The following KCNH1 variants were observed in gnomAD, a reference collection of about 807,000 sequenced individuals.
KCNH1 encodes the protein voltage-gated delayed rectifier potassium channel KCNH1.
Under a neutral mutation model 69.2 loss-of-function variants are expected in KCNH1, and 27 were observed. The ratio of observed to expected loss-of-function variants is 0.39; its 90% CI spans 0.29 to 0.54. The LOEUF is 0.54. Among genes scored for constraint, KCNH1 ranks in the 20% least tolerant of loss-of-function variants. The pLI, the probability that KCNH1 is intolerant of heterozygous loss-of-function variation, is 0.68. For missense variants in KCNH1, 798 were observed against 1,261.6 expected (o/e 0.63, Z 5.57); for synonymous variants, 456 against 487.7 (o/e 0.93, Z 0.86).
chr1:211,013,345 C>A (rs1171848534), intron 6 of KCNH1, among the ~76,000 whole-genome samples: 2 of 152,132 alleles, frequency 1.3e-5, no homozygotes, highest in African/African-American at 2.4e-5. Context: ...TCAGTGCTGA[C>A]CTCCACCCTC....
chr1:210,888,114 A>G (rs1350635432), intron 7 of KCNH1, among the ~76,000 whole-genome samples: 2 of 152,214 alleles, frequency 1.3e-5, no homozygotes, highest in Non-Finnish European at 2.9e-5. Context: ...CATTCTTCTC[A>G]GCACCACATC....
At chr1:210,942,481 A>T (rs1687892755) in intron 6 of KCNH1, among the ~76,000 whole-genome samples, 1 of 152,232 alleles carries the variant, frequency 6.6e-6, no homozygotes. Flanking sequence ...GCTGTCTTCC[A>T]GCTGTAAAAA....
Position 211,027,588 on chromosome 1 carries a change from C to A in KCNH1, c.559-8332G>T, listed in dbSNP as rs528354614. On this transcript the variant is annotated intron_variant, in intron 5 of 10. Coordinates refer to ENST00000271751, the MANE Select transcript of KCNH1 (RefSeq NM_172362.3). ...TAGTGTAGGCAACAAAGTGGGCAACCCTGTCTCAGGGAAAGAAAAAAAAAA... is the reference window on the plus strand; with the variant it reads ...TAGTGTAGGCAACAAAGTGGGCAACACTGTCTCAGGGAAAGAAAAAAAAAA... Among the ~76,000 whole-genome samples the A allele has an allele frequency of 4.0e-5, 6 of 150,818 alleles. No homozygotes were observed. The South Asian group carries it at 1.1e-3, about 27-fold the overall frequency.
chr1:211,108,175 A>T (rs1268549584), intron 1 of KCNH1, among the ~76,000 whole-genome samples: 1 of 152,232 alleles, frequency 6.6e-6, no homozygotes, highest in African/African-American at 2.4e-5. Context: ...TTTGAAAATC[A>T]GTCGTCAATA....
chr1:211,068,758 A>G (rs1323569073), intron 5 of KCNH1, among the ~76,000 whole-genome samples: 1 of 152,186 alleles, frequency 6.6e-6, no homozygotes, highest in African/African-American at 2.4e-5. Context: ...CCAAAGCTAG[A>G]AAGACAGACT....
intron 5 of KCNH1, among the ~76,000 whole-genome samples, chr1:211,036,473 C>T (rs1436019867): frequency 6.6e-6 from 1 of 152,086 alleles, no homozygotes; most frequent in Non-Finnish European, 1.5e-5. Flanking sequence ...TCACCATGAG[C>T]CTGTGATCTC....
intron 4 of KCNH1, among the ~76,000 whole-genome samples, chr1:211,083,760 T>C (rs1030085046): frequency 1.3e-5 from 2 of 152,202 alleles, no homozygotes; most frequent in Non-Finnish European, 2.9e-5. Flanking sequence ...AAAGCAGGAC[T>C]AGATGATTTT....
intron 6 of KCNH1, among the ~76,000 whole-genome samples, chr1:210,992,274 T>C (rs906590503): frequency 2.6e-5 from 4 of 152,238 alleles, no homozygotes; most frequent in Non-Finnish European, 4.4e-5. Context: ...AACAGGCGAT[T>C]GTTATTTTGT....
intron 7 of KCNH1, among the ~76,000 whole-genome samples, chr1:210,833,130 T>C (rs1685200472): frequency 6.6e-6 from 1 of 152,040 alleles, no homozygotes; most frequent in South Asian, 2.1e-4. Flanking sequence ...CACTTACCTG[T>C]AAAGAGTTTT....
At chr1:210,973,310 A>T (rs2102369155) in intron 6 of KCNH1, among the ~76,000 whole-genome samples, 1 of 152,196 alleles carries the variant, frequency 6.6e-6, no homozygotes, top group African/African-American at 2.4e-5. Context: ...CAGCCCCTAG[A>T]CCCATTCTCT....
intron 8 of KCNH1, among the ~76,000 whole-genome samples, chr1:210,803,536 C>CA (rs542037899): frequency 3.6e-4 from 55 of 152,104 alleles, no homozygotes; most frequent in Admixed American, 1.2e-3. Context: ...AAGGTTAATG[C>CA]AAAAAAATCC....
chr1:211,023,115 A>AAAATAAATAAATAAATAAAT (rs562804540), intron 5 of KCNH1, among the ~76,000 whole-genome samples: 1 of 98,478 alleles, frequency 1.0e-5, no homozygotes, highest in Non-Finnish European at 2.3e-5. Flanking sequence ...TGTCTCAGAA[A>AAAATAAATAAATAAATAAAT]AAATAAATAA....
chr1:211,126,687 CAAAAAAAAAA>C (rs71571980), intron 1 of KCNH1, among the ~76,000 whole-genome samples: 1 of 64,938 alleles, frequency 1.5e-5, no homozygotes, highest in South Asian at 5.2e-4. Context: ...TATAATATCT[CAAAAAAAAAA>C]AAAAAAAAAG....
At chr1:210,869,173 T>C (rs1686181089) in intron 7 of KCNH1, among the ~76,000 whole-genome samples, 1 of 152,128 alleles carries the variant, frequency 6.6e-6, no homozygotes, top group Non-Finnish European at 1.5e-5. Context: ...AATTTTTTTG[T>C]CAGCTCTTAA....
At position 210,863,645 on chromosome 1, in the gene KCNH1, A is replaced by G. The variant is rs141001104; in HGVS notation, c.1462+55995T>C. 9.9e-3 allele frequency among the ~76,000 whole-genome samples: 1,503 copies of G among 152,302 alleles called. 10 individuals carry two copies. Among genetic ancestry groups the G allele is most frequent in the Non-Finnish European group, 0.013 (885 of 68,032 alleles). On this transcript the variant is annotated intron_variant, in intron 7 of 10. Transcript: ENST00000271751. ...TCTGAATGGTACCTCCATCACTGAC[A>G]TTACATTTTGTTTCTCAACCCTCCT...
chr1:211,059,471 G>A (rs148924178), intron 5 of KCNH1, among the ~76,000 whole-genome samples: 2,072 of 151,996 alleles, frequency 0.014, 27 homozygotes, highest in South Asian at 0.026. Flanking sequence ...GGCTGGGCAC[G>A]GTGGCTTATG....
chr1:210,700,819 C>T (rs1450285260), intron 10 of KCNH1, among the ~76,000 whole-genome samples: 1 of 152,130 alleles, frequency 6.6e-6, no homozygotes, highest in Non-Finnish European at 1.5e-5. Flanking sequence ...CTTTCTTGGT[C>T]CGTGGCTTGT....
Position 211,000,115 on chromosome 1 carries a change from T to C in KCNH1, c.1032+18668A>G, listed in dbSNP as rs11577052. ...TGAAAACTGGCACAAGACAGGGATG[T>C]CCTCTCTCACCACTCCTATTCAACA... On this transcript the variant is annotated intron_variant, in intron 6 of 10. Coordinates refer to ENST00000271751, the MANE Select transcript of KCNH1 (RefSeq NM_172362.3). Among the ~76,000 whole-genome samples the C allele has an allele frequency of 1.3e-4, 20 of 152,224 alleles. No individual in the cohort carries two copies. In the South Asian group the frequency reaches 2.1e-3, roughly 16 times the overall value.
chr1:211,055,296 C>G (rs1571611593), intron 5 of KCNH1, among the ~76,000 whole-genome samples: 1 of 152,152 alleles, frequency 6.6e-6, no homozygotes, highest in East Asian at 1.9e-4. Flanking sequence ...CATTGGAACA[C>G]AGTGCTGCCC....
Sources: gnomAD v4.1 joint callset for allele counts (sites outside exome capture counted in the v4.1 genomes callset) on GRCh38, gnomAD v4.1.1 for gene constraint, MANE v1.5 for transcripts, NCBI Gene and HGNC (gene_info 2026-07-23, HGNC 2026-07-21) for gene names.